Variants in BBS9 observed in about 807,000 individuals in gnomAD.
BBS9 encodes Bardet-Biedl syndrome 9.
Under a neutral mutation model 117.7 loss-of-function variants are expected in BBS9, and 89 were observed. The observed-to-expected ratio is 0.76, with a 90% confidence interval of 0.64 to 0.90. The LOEUF is 0.90. Ranked by LOEUF, BBS9 falls within the 40% of genes least tolerant of loss-of-function variation. The pLI, the probability that BBS9 is intolerant of heterozygous loss-of-function variation, is 0.00. For synonymous variants in BBS9, 379 were observed against 370.9 expected, an observed-to-expected ratio of 1.02 and a Z score of -0.25; for missense variants, 982 against 1,042.2, an observed-to-expected ratio of 0.94 and a Z score of 0.80.
chr7:33,398,473 C>G (rs777573493), intron 19 of BBS9, among the ~76,000 whole-genome samples: 28 of 152,286 alleles, frequency 1.8e-4, no homozygotes, highest in Non-Finnish European at 3.8e-4. Context: ...AGTTTCTCAG[C>G]CAAACAAGAG....
intron 6 of BBS9, among the ~76,000 whole-genome samples, chr7:33,263,652 A>G (rs138685263): frequency 2.1e-3 from 320 of 152,238 alleles, no homozygotes; most frequent in African/African-American, 7.4e-3. Context: ...CTACTATGTG[A>G]TTGATCTCTA....
At chr7:33,550,535 G>A (rs1238198713) in intron 21 of BBS9, among the ~76,000 whole-genome samples, 1 of 152,070 alleles carries the variant, frequency 6.6e-6, no homozygotes, top group African/African-American at 2.4e-5. Flanking sequence ...TAAAATAGGA[G>A]CAACACTCTG....
chr7:33,169,429 A>C (rs1324178996), intron 4 of BBS9, among the ~76,000 whole-genome samples: 1 of 151,490 alleles, frequency 6.6e-6, no homozygotes, highest in Non-Finnish European at 1.5e-5. Context: ...TCCCACCAAC[A>C]GTGTAAAAGT....
intron 4 of BBS9, among the ~76,000 whole-genome samples, chr7:33,165,031 C>T (rs368183688): frequency 1.6e-4 from 25 of 152,164 alleles, no homozygotes; most frequent in Middle Eastern, 3.4e-3. Flanking sequence ...CTGGTGGTGA[C>T]GAAATCTCTC....
chr7:33,337,504 G>A (rs1815624471), intron 10 of BBS9, among the ~76,000 whole-genome samples: 1 of 151,964 alleles, frequency 6.6e-6, no homozygotes, highest in Non-Finnish European at 1.5e-5. Flanking sequence ...TACCAACATT[G>A]TATTCCTCTG....
intron 20 of BBS9, among the ~76,000 whole-genome samples, chr7:33,529,501 CA>C (rs5883405): frequency 1 from 152,201 of 152,202 alleles, 76,100 homozygotes; most frequent in Non-Finnish European, 1. Flanking sequence ...AAAATCCCCA[CA>C]AAACCCAATG....
intron 19 of BBS9, among the ~76,000 whole-genome samples, chr7:33,411,577 A>G (rs1409873118): frequency 2.0e-5 from 3 of 152,156 alleles, no homozygotes; most frequent in Admixed American, 1.3e-4. Flanking sequence ...ATTGCTTTTT[A>G]TATAAACTTA....
chr7:33,379,043 G>T (rs1046958115), intron 17 of BBS9, among the ~76,000 whole-genome samples: 1 of 152,174 alleles, frequency 6.6e-6, no homozygotes, highest in Non-Finnish European at 1.5e-5. Context: ...TACCTACATG[G>T]GTGATTTAAC....
At chr7:33,459,055 G>A (rs1040334537) in intron 19 of BBS9, among the ~76,000 whole-genome samples, 1 of 152,094 alleles carries the variant, frequency 6.6e-6, no homozygotes, top group Admixed American at 6.6e-5. Context: ...AGGGGATCAG[G>A]AGTACAGTGT....
At chr7:33,416,999 G>A (rs1450029178) in intron 19 of BBS9, among the ~76,000 whole-genome samples, 1 of 152,138 alleles carries the variant, frequency 6.6e-6, no homozygotes, top group Non-Finnish European at 1.5e-5. Flanking sequence ...AGTCAGAAAA[G>A]TATACAAAAT....
intron 19 of BBS9, among the ~76,000 whole-genome samples, chr7:33,395,740 T>C (rs1173810867): frequency 6.6e-6 from 1 of 152,192 alleles, no homozygotes; most frequent in Non-Finnish European, 1.5e-5. Context: ...GGTATTGATA[T>C]ATAAAAATCA....
In BBS9 at chr7:33,590,254, G is replaced by C. The variant is rs74641249; in HGVS notation, c.2522-14611G>C. On this transcript the variant is annotated intron_variant, in intron 21 of 22. Coordinates refer to ENST00000242067, the MANE Select transcript of BBS9 (RefSeq NM_198428.3). ...AGAAGAGTTGTAAAGAGCATATATA[G>C]AGAACTCTTCGGAGAAGCTTTGCTG... Among the ~76,000 whole-genome samples the C allele has an allele frequency of 6.0e-3, 907 of 152,162 alleles. 19 individuals carry two copies. In the East Asian group the frequency reaches 0.082, roughly 14 times the overall value.
intron 9 of BBS9, among the ~76,000 whole-genome samples, chr7:33,274,593 G>A (rs1197277455): frequency 6.6e-6 from 1 of 152,164 alleles, no homozygotes; most frequent in Admixed American, 6.5e-5. Context: ...ATTATGTTTA[G>A]GAATTGAAAA....
intron 9 of BBS9, among the ~76,000 whole-genome samples, chr7:33,303,305 A>G (rs1251320316): frequency 1.3e-5 from 2 of 152,152 alleles, no homozygotes; most frequent in African/African-American, 4.8e-5. Context: ...ACTATTTTGA[A>G]TAACAGTGGT....
At chr7:33,389,579 C>T (rs1826657741) in intron 19 of BBS9, among the ~76,000 whole-genome samples, 1 of 150,688 alleles carries the variant, frequency 6.6e-6, no homozygotes, top group Non-Finnish European at 1.5e-5. Context: ...ATCCCAGCTA[C>T]TCGGGAGGCT....
chr7:33,525,127 A>T (rs1373248700), intron 20 of BBS9, among the ~76,000 whole-genome samples: 4 of 152,122 alleles, frequency 2.6e-5, no homozygotes, highest in Non-Finnish European at 4.4e-5. Context: ...TTTGTTATAA[A>T]TTCTGTTCTT....
At chr7:33,619,467 A>C (rs986784447) in intron 21 of BBS9, among the ~76,000 whole-genome samples, 1 of 152,150 alleles carries the variant, frequency 6.6e-6, no homozygotes, top group African/African-American at 2.4e-5. Context: ...AAAATCAATA[A>C]GAAAAACAGC....
rs1416265147 is a variant in BBS9, at chr7:33,465,261, C to CT, written c.2116-40191dup. ...AGGAAAAAAAAAAACATGATTTATTCTTTTTTTTTTTCAGCTTCCTCTCAT... is the reference window on the plus strand; with the variant it reads ...AGGAAAAAAAAAAACATGATTTATTCTTTTTTTTTTTTCAGCTTCCTCTCAT... On this transcript the variant is annotated intron_variant, in intron 19 of 22. Coordinates refer to ENST00000242067, the MANE Select transcript of BBS9 (RefSeq NM_198428.3). 7.6e-3 allele frequency among the ~76,000 whole-genome samples: 1,071 copies of CT among 141,238 alleles called. 19 individuals carry two copies. The highest frequency in any genetic ancestry group is 0.02 in the African/African-American group (777 of 38,748). 92.7% of individuals were successfully genotyped at this position (141,238 alleles called of 152,430 possible).
intron 20 of BBS9, among the ~76,000 whole-genome samples, chr7:33,506,593 A>G (rs1193684962): frequency 6.6e-6 from 1 of 152,146 alleles, no homozygotes; most frequent in East Asian, 1.9e-4. Context: ...AGAGTTAAGT[A>G]CTTTTCTTAA....
Sources: gnomAD v4.1 joint callset for allele counts (sites outside exome capture counted in the v4.1 genomes callset) on GRCh38, gnomAD v4.1.1 for gene constraint, MANE v1.5 for transcripts, NCBI Gene and HGNC (gene_info 2026-07-23, HGNC 2026-07-21) for gene names.